Variants in PDE11A observed in about 807,000 individuals in gnomAD.
The protein encoded by PDE11A is dual 3',5'-cyclic-AMP and -GMP phosphodiesterase 11A.
A neutral mutation model predicts 100.5 loss-of-function variants in PDE11A; 100 were observed. That is an observed-to-expected ratio of 1.00 (90% CI 0.85 to 1.18). PDE11A has a LOEUF of 1.18. Ranked by LOEUF, PDE11A falls within the 50% of genes most tolerant of loss-of-function variation. The probability of loss-of-function intolerance (pLI) is 0.00; values close to 1 mark genes in which losing one functional copy is unlikely to be tolerated. For synonymous variants in PDE11A, 381 were observed against 420.8 expected, an observed-to-expected ratio of 0.91 and a Z score of 1.16; for missense variants, 1,141 against 1,152.6, an observed-to-expected ratio of 0.99 and a Z score of 0.15.
chr2:178,061,303 C>G (rs1415084033), intron 1 of PDE11A, among the ~76,000 whole-genome samples: 4 of 151,830 alleles, frequency 2.6e-5, no homozygotes, highest in Non-Finnish European at 4.4e-5. Flanking sequence ...TTAAATTGTC[C>G]AGACTAGGCA....
chr2:177,691,990 T>C (rs1239493950), intron 15 of PDE11A, among the ~76,000 whole-genome samples: 1 of 152,236 alleles, frequency 6.6e-6, no homozygotes, highest in East Asian at 1.9e-4. Context: ...CTAATTGGAC[T>C]GTATATTTAA....
chr2:177,748,402 G>A (rs1382951987), intron 10 of PDE11A, among the ~76,000 whole-genome samples: 3 of 152,104 alleles, frequency 2.0e-5, no homozygotes, highest in Non-Finnish European at 2.9e-5. Context: ...GAATCAAGTC[G>A]TATTTCTCTT....
At chr2:177,933,950 C>G (rs1193430031) in intron 2 of PDE11A, among the ~76,000 whole-genome samples, 1 of 152,070 alleles carries the variant, frequency 6.6e-6, no homozygotes, top group Non-Finnish European at 1.5e-5. Context: ...CAAACTGGAC[C>G]CCTACCTTTC....
intron 2 of PDE11A, among the ~76,000 whole-genome samples, chr2:178,083,515 G>A (rs1000609604): frequency 6.6e-6 from 1 of 152,158 alleles, no homozygotes; most frequent in Non-Finnish European, 1.5e-5. Flanking sequence ...TGACACACTT[G>A]TTTTTCCAAA....
rs543863012 is a variant in PDE11A, at chr2:177,908,968, G to A, written c.1072-3781C>T. On this transcript the variant is annotated intron_variant, in intron 2 of 19. Coordinates refer to ENST00000286063, the MANE Select transcript of PDE11A (RefSeq NM_016953.4). The stretch of plus-strand genomic sequence containing the variant: ...AAGCATGCAAATCAGATCGGTATTA[G>A]TTCTTTTCATCTACCCCACTGTGTC... Among the ~76,000 whole-genome samples, 15 of 152,270 alleles carry A rather than the reference G, an allele frequency of 9.9e-5. No homozygotes were observed. In the South Asian group the frequency reaches 3.1e-3, roughly 32 times the overall value.
At chr2:177,862,570 CAGCAAACAGTCCCATTTACTAT>C (rs2083961696) in intron 5 of PDE11A, among the ~76,000 whole-genome samples, 1 of 151,632 alleles carries the variant, frequency 6.6e-6, no homozygotes, top group Non-Finnish European at 1.5e-5. Flanking sequence ...AGAAGACATC[CAGCAAACAGTCCCATTTACTAT>C]AGCATAAAAT....
intron 2 of PDE11A, among the ~76,000 whole-genome samples, chr2:177,925,141 T>C (rs2105758119): frequency 6.6e-6 from 1 of 150,996 alleles, no homozygotes; most frequent in East Asian, 1.9e-4. Context: ...GTTGGACATT[T>C]GGGTTGGTTC....
chr2:177,871,208 A>T (rs368797885), intron 5 of PDE11A, among the ~76,000 whole-genome samples: 33 of 152,238 alleles, frequency 2.2e-4, no homozygotes, highest in East Asian at 1.7e-3. Context: ...AGGTTTAGGA[A>T]TTAAAAGGTC....
At chr2:178,002,129 C>T (rs749674054) in intron 2 of PDE11A, among the ~76,000 whole-genome samples, 6 of 152,092 alleles carry the variant, frequency 3.9e-5, no homozygotes, top group Non-Finnish European at 7.4e-5. Context: ...CCATGATCAA[C>T]CAATGTGTAG....
At position 177,631,309 on chromosome 2, in the gene PDE11A, AAC is replaced by A. The variant is rs200434246; in HGVS notation, c.2647-1749_2647-1748del. On this transcript the variant is annotated intron_variant, in intron 19 of 19. Transcript: ENST00000286063. Reference sequence around the variant, plus strand: ...AAAAATGCAAAAAAAAAAAAAAAAAAACAAAAAAAAAAACAACCTAGGCGTGG... The same window carrying A: ...AAAAATGCAAAAAAAAAAAAAAAAAAAAAAAAAAAAACAACCTAGGCGTGG... Among the ~76,000 whole-genome samples, 117 of 41,820 alleles carry A rather than the reference AAC, an allele frequency of 2.8e-3. 4 individuals are homozygous for A. Among genetic ancestry groups the A allele is most frequent in the South Asian group, 6.2e-3 (5 of 804 alleles). 27.4% of individuals were successfully genotyped at this position (41,820 alleles called of 152,430 possible). A position where few individuals can be genotyped will look rare whatever the true frequency, so the allele number is the denominator to read the frequency against.
chr2:177,928,986 T>C (rs35385829), intron 2 of PDE11A, among the ~76,000 whole-genome samples: 13,147 of 152,244 alleles, frequency 0.086, 540 homozygotes, highest in South Asian at 0.099. Flanking sequence ...ACTGTGCTCT[T>C]TTAGGTCGAC....
chr2:177,935,831 G>A (rs2085265244), intron 2 of PDE11A, among the ~76,000 whole-genome samples: 1 of 152,080 alleles, frequency 6.6e-6, no homozygotes, highest in Non-Finnish European at 1.5e-5. Flanking sequence ...GGAGTAATAG[G>A]GATCTTAGCC....
chr2:178,045,512 C>T (rs1001385088), intron 1 of PDE11A, among the ~76,000 whole-genome samples: 2 of 152,190 alleles, frequency 1.3e-5, no homozygotes, highest in Non-Finnish European at 2.9e-5. Flanking sequence ...ACATACCACA[C>T]CAGAGACAGC....
At chr2:177,814,249 C>T (rs1183076816) in intron 9 of PDE11A, among the ~76,000 whole-genome samples, 1 of 150,764 alleles carries the variant, frequency 6.6e-6, no homozygotes, top group Non-Finnish European at 1.5e-5. Context: ...TACACATATT[C>T]ATATATAATA....
intron 15 of PDE11A, chr2:177,687,280 TTC>T (rs2080966610): frequency 6.6e-6 from 1 of 152,248 alleles, no homozygotes; most frequent in African/African-American, 2.4e-5. Context: ...CAACTGTTGC[TTC>T]TGTCTTCTTC....
intron 4 of PDE11A, 59 bp downstream of exon 4, chr2:177,897,999 A>G: frequency 7.3e-7 from 1 of 1,365,988 alleles, no homozygotes. Context: ...AATTATAAAT[A>G]AACTCAACTT....
At chr2:177,729,957 T>C (rs918719234) in intron 10 of PDE11A, among the ~76,000 whole-genome samples, 2 of 152,252 alleles carry the variant, frequency 1.3e-5, no homozygotes, top group Middle Eastern at 3.4e-3. Flanking sequence ...TCATTAGCTA[T>C]AATAAATTAT....
At chr2:178,095,387 T>C (rs370250521) in intron 2 of PDE11A, among the ~76,000 whole-genome samples, 2 of 152,356 alleles carry the variant, frequency 1.3e-5, no homozygotes, top group African/African-American at 4.8e-5. Context: ...TTTGACTTCA[T>C]GTCTCACATC....
chr2:177,678,853 G>A (rs1001255767), intron 16 of PDE11A, among the ~76,000 whole-genome samples: 4 of 152,112 alleles, frequency 2.6e-5, no homozygotes. Flanking sequence ...GCTCAGAAGA[G>A]AGGCAAGCCC....
Sources: allele counts gnomAD v4.1 joint callset (sites outside exome capture counted in the v4.1 genomes callset), GRCh38; gene constraint gnomAD v4.1.1; transcripts MANE v1.5; gene names NCBI Gene and HGNC (gene_info 2026-07-23, HGNC 2026-07-21).